PHLPP1: variants seen among roughly 807,000 people sequenced by gnomAD.
PHLPP1 encodes PH domain leucine-rich repeat-containing protein phosphatase 1.
A neutral mutation model predicts 117.2 loss-of-function variants in PHLPP1; 42 were observed. The ratio of observed to expected loss-of-function variants is 0.36; its 90% CI spans 0.28 to 0.46. The LOEUF is 0.46. PHLPP1 is among the 20% of genes least tolerant of loss of function. The pLI, the probability that PHLPP1 is intolerant of heterozygous loss-of-function variation, is 1.00. For synonymous variants in PHLPP1, 1,042 were observed against 970.7 expected, an observed-to-expected ratio of 1.07 and a Z score of -1.37; for missense variants, 2,084 against 2,241.9, an observed-to-expected ratio of 0.93 and a Z score of 1.42.
At chr18:62,761,962 C>T (rs1179494921) in intron 1 of PHLPP1, among the ~76,000 whole-genome samples, 1 of 152,024 alleles carries the variant, frequency 6.6e-6, no homozygotes, top group Non-Finnish European at 1.5e-5. Context: ...ATGTCCTACA[C>T]TCTATCCTCA....
intron 1 of PHLPP1, among the ~76,000 whole-genome samples, chr18:62,815,032 A>G (rs931457385): frequency 5.3e-5 from 8 of 152,294 alleles, no homozygotes; most frequent in African/African-American, 9.6e-5. Context: ...TCAGGAATGC[A>G]GGAGTTTCAG....
intron 1 of PHLPP1, among the ~76,000 whole-genome samples, chr18:62,770,268 A>C (rs1028766431): frequency 6.6e-6 from 1 of 151,738 alleles, no homozygotes; most frequent in Non-Finnish European, 1.5e-5. Flanking sequence ...GCACCACCAC[A>C]CCTGGCTAAT....
At chr18:62,851,734 C>T (rs539416143) in intron 3 of PHLPP1, among the ~76,000 whole-genome samples, 1 of 152,306 alleles carries the variant, frequency 6.6e-6, no homozygotes, top group East Asian at 1.9e-4. Context: ...GCTAGGATTA[C>T]AGGCGTGAGC....
At chr18:62,950,617 G>A (rs1175329123) in intron 12 of PHLPP1, among the ~76,000 whole-genome samples, 1 of 152,208 alleles carries the variant, frequency 6.6e-6, no homozygotes, top group Non-Finnish European at 1.5e-5. Flanking sequence ...TATGAAGACA[G>A]GTCAGGAACC....
intron 1 of PHLPP1, among the ~76,000 whole-genome samples, chr18:62,733,123 G>A (rs953096145): frequency 6.6e-6 from 1 of 152,204 alleles, no homozygotes; most frequent in Non-Finnish European, 1.5e-5. Context: ...AAAAAGTTCT[G>A]TGAGTAAAGT....
At chr18:62,746,333 C>T (rs918035658) in intron 1 of PHLPP1, among the ~76,000 whole-genome samples, 1 of 152,208 alleles carries the variant, frequency 6.6e-6, no homozygotes, top group African/African-American at 2.4e-5. Context: ...GCATGAGCCA[C>T]CACGCCCGGC....
At chr18:62,765,887 A>T (rs1348674854) in intron 1 of PHLPP1, among the ~76,000 whole-genome samples, 1 of 149,744 alleles carries the variant, frequency 6.7e-6, no homozygotes, top group African/African-American at 2.5e-5. Context: ...AGTCCCAGCT[A>T]CTCGGGAGGC....
rs375885172 is a variant in PHLPP1, at chr18:62,963,504, G to A, written c.3560+32G>A. The A allele has an allele frequency of 3.9e-4, 520 of 1,339,942 alleles. 1 individual carries two copies. In the Middle Eastern group the frequency reaches 5.4e-3, roughly 14 times the overall value. 83.0% of individuals were successfully genotyped at this position (1,339,942 alleles called of 1,614,324 possible). A position where few individuals can be genotyped will look rare whatever the true frequency, so the allele number is the denominator to read the frequency against. On this transcript the variant is annotated intron_variant, in intron 14 of 16. Coordinates refer to ENST00000262719, the MANE Select transcript of PHLPP1 (RefSeq NM_194449.4). ...CAGATGAAACTTTAGAGGAAGAAGT[G>A]CCTCCTGCCTGTCTCACTCCTTTAG... is the stretch of plus-strand genomic sequence containing the variant.
intron 1 of PHLPP1, among the ~76,000 whole-genome samples, chr18:62,743,189 ATTTTCTGTTCT>A (rs1395288091): frequency 6.6e-6 from 1 of 151,454 alleles, no homozygotes; most frequent in Non-Finnish European, 1.5e-5. Flanking sequence ...TTGAAGTATT[ATTTTCTGTTCT>A]TTTTCCCTCT....
intron 10 of PHLPP1, among the ~76,000 whole-genome samples, chr18:62,937,144 G>A (rs980711788): frequency 6.6e-6 from 1 of 152,144 alleles, no homozygotes; most frequent in Non-Finnish European, 1.5e-5. Context: ...AAAATTTAAG[G>A]GTGTGCTGGA....
intron 8 of PHLPP1, 50 bp downstream of exon 8, chr18:62,905,334 A>C: frequency 1.0e-6 from 1 of 980,810 alleles, no homozygotes; most frequent in South Asian, 2.8e-5. Flanking sequence ...AAAATTATTT[A>C]GTAATTCTGT....
intron 1 of PHLPP1, among the ~76,000 whole-genome samples, chr18:62,822,680 G>C (rs181426386): frequency 1.6e-4 from 25 of 152,312 alleles, no homozygotes; most frequent in Non-Finnish European, 2.9e-5. Context: ...GTTCAAGGTT[G>C]TAGCAGTGAG....
intron 5 of PHLPP1, 21 bp from the exon 6 acceptor site, chr18:62,895,760 T>G: frequency 7.3e-7 from 1 of 1,371,458 alleles, no homozygotes; most frequent in Non-Finnish European, 1.0e-6. Context: ...CTCTTTGTAA[T>G]TCTTATGTTT....
intron 11 of PHLPP1, among the ~76,000 whole-genome samples, chr18:62,943,058 A>G (rs1910174413): frequency 6.6e-6 from 1 of 152,180 alleles, no homozygotes; most frequent in African/African-American, 2.4e-5. Context: ...GAAAGAGCTC[A>G]TTGTCTTCTT....
intron 4 of PHLPP1, among the ~76,000 whole-genome samples, chr18:62,878,778 T>TTGTGTG (rs138248935): frequency 2.7e-5 from 4 of 150,156 alleles, no homozygotes; most frequent in East Asian, 1.9e-4. Flanking sequence ...ACTCCTCATA[T>TTGTGTG]TGTGTGTGTG....
chr18:62,854,828 CT>C (rs1915452765), intron 3 of PHLPP1, among the ~76,000 whole-genome samples: 2 of 151,650 alleles, frequency 1.3e-5, no homozygotes, highest in Non-Finnish European at 2.9e-5. Context: ...TCCTGAGTAA[CT>C]GGAATTACAG....
At position 62,716,366 on chromosome 18, in the gene PHLPP1, G is replaced by C; in HGVS notation, c.683G>C (p.Gly228Ala). 1 of 1,488,576 alleles carries C rather than the reference G, an allele frequency of 6.7e-7. No homozygotes were observed. The highest frequency in any genetic ancestry group is 2.8e-5 in the East Asian group (1 of 35,418). 92.2% of individuals were successfully genotyped at this position (1,488,576 alleles called of 1,614,324 possible). The change falls in exon 1 of 17, where the codon GGC becomes GCC. Residue 228 changes from glycine to alanine, a missense_variant. Physicochemically the swap from Gly to Ala is moderately conservative, Grantham distance 60. Transcript: ENST00000262719. The surrounding 1 kb of genome is among the most constrained non-coding windows in gnomAD (Gnocchi z 5.7). Reference protein sequence around the residue: ...PVLCTLDTTAGEVAARLLQLG... With the variant: ...PVLCTLDTTAAEVAARLLQLG... ...CTCTGCACACTGGACACCACGGCCG[G>C]CGAGGTGGCCGCCCGCCTGCTGCAG...
intron 1 of PHLPP1, chr18:62,826,175 G>T: frequency 6.4e-6 from 2 of 314,958 alleles, no homozygotes; most frequent in Non-Finnish European, 6.4e-6. Context: ...TTTTTCTGGA[G>T]GTCCATTGCT....
intron 1 of PHLPP1, among the ~76,000 whole-genome samples, chr18:62,752,638 C>T (rs1223417802): frequency 1.3e-5 from 2 of 152,132 alleles, no homozygotes; most frequent in Non-Finnish European, 2.9e-5. Flanking sequence ...AGGATGTTCT[C>T]TTGGTTAATA....
Sources: gnomAD v4.1 joint callset for allele counts (sites outside exome capture counted in the v4.1 genomes callset) on GRCh38, gnomAD v4.1.1 for gene constraint, Gnocchi (gnomAD v3.1) non-coding constraint, MANE v1.5 for transcripts, NCBI Gene and HGNC (gene_info 2026-07-23, HGNC 2026-07-21) for gene names.